AUTS2: variants seen among roughly 807,000 people sequenced by gnomAD.
AUTS2 encodes autism susceptibility gene 2 protein.
A neutral mutation model predicts 112.4 loss-of-function variants in AUTS2; 17 were observed. The observed-to-expected ratio is 0.15, with a 90% CI of 0.10 to 0.23. The LOEUF (loss-of-function observed/expected upper bound fraction) is 0.23. Among genes scored for constraint, AUTS2 ranks in the 10% least tolerant of loss-of-function variants. The probability of loss-of-function intolerance (pLI) is 1.00; values close to 1 mark genes in which losing one functional copy is unlikely to be tolerated. For missense variants in AUTS2, 1,510 were observed against 1,701.6 expected (o/e 0.89, Z 1.98); for synonymous variants, 751 against 702.7 (o/e 1.07, Z -1.09).
rs77021850 is a variant in AUTS2 at position 70,092,870 on chromosome 7, G to A, written c.523-25262G>A. ...ACTCGCGGGGCCCCCTCTCCATGTC[G>A]GCAGAGCTGAGGGGCAAGTACATTT... is the stretch of plus-strand genomic sequence containing the variant. On this transcript the variant is annotated intron_variant, in intron 2 of 18. Transcript: ENST00000342771. 1.2e-4 allele frequency among the ~76,000 whole-genome samples: 19 copies of A among 152,120 alleles called. No homozygotes were observed. The East Asian group carries it at 3.3e-3, about 26-fold the overall frequency.
intron 4 of AUTS2, among the ~76,000 whole-genome samples, chr7:70,412,530 T>TA: frequency 6.6e-6 from 1 of 152,308 alleles, no homozygotes; most frequent in East Asian, 1.9e-4. Context: ...TTGGTGGACA[T>TA]GACACCTTAA....
chr7:70,308,858 G>C (rs1013332708), intron 4 of AUTS2, among the ~76,000 whole-genome samples: 1 of 152,120 alleles, frequency 6.6e-6, no homozygotes, highest in Non-Finnish European at 1.5e-5. Context: ...TAAAATAAGA[G>C]GTGAGAGACA....
chr7:70,436,346 C>A (rs1051755565), intron 5 of AUTS2: 1 of 152,398 alleles, frequency 6.6e-6, no homozygotes, highest in African/African-American at 2.4e-5. Context: ...GGTACATGCT[C>A]TGTTTCGAGG....
At chr7:70,726,011 G>A (rs1787007284) in intron 6 of AUTS2, among the ~76,000 whole-genome samples, 1 of 144,306 alleles carries the variant, frequency 6.9e-6, no homozygotes, top group Non-Finnish European at 1.5e-5. Flanking sequence ...GACAGAGTGA[G>A]ACTCCATTTC....
intron 1 of AUTS2, among the ~76,000 whole-genome samples, chr7:69,722,672 A>G (rs890774479): frequency 6.6e-6 from 1 of 152,122 alleles, no homozygotes; most frequent in Non-Finnish European, 1.5e-5. Context: ...GGCCTTGTGC[A>G]TTTCATTTAA....
intron 4 of AUTS2, among the ~76,000 whole-genome samples, chr7:70,135,495 G>A (rs1164416906): frequency 6.6e-6 from 1 of 152,042 alleles, no homozygotes; most frequent in African/African-American, 2.4e-5. Flanking sequence ...ATTCACTTTA[G>A]TTGCTTTTAA....
Position 70,485,386 on chromosome 7 carries a change from C to T in AUTS2, c.690+49605C>T, listed in dbSNP as rs1278140648. Among the ~76,000 whole-genome samples, 6 of 152,112 alleles carry T rather than the reference C, an allele frequency of 3.9e-5. No homozygotes were observed. The East Asian group carries it at 7.7e-4, about 20-fold the overall frequency. ...AATTCAAGAATGGAAAACCAAATGCCGTATGTTCTTACCTATAAGTGGGAG... is the reference window on the plus strand; with the variant it reads ...AATTCAAGAATGGAAAACCAAATGCTGTATGTTCTTACCTATAAGTGGGAG... On this transcript the variant is annotated intron_variant, in intron 5 of 18. Coordinates refer to ENST00000342771, the MANE Select transcript of AUTS2 (RefSeq NM_015570.4).
intron 2 of AUTS2, among the ~76,000 whole-genome samples, chr7:69,954,814 G>A (rs996542049): frequency 1.3e-5 from 2 of 152,120 alleles, no homozygotes; most frequent in Non-Finnish European, 2.9e-5. Flanking sequence ...ATCATTAGTG[G>A]CATTTGTGGT....
intron 6 of AUTS2, among the ~76,000 whole-genome samples, chr7:70,716,121 G>A (rs1487460156): frequency 6.6e-6 from 1 of 152,186 alleles, no homozygotes; most frequent in African/African-American, 2.4e-5. Context: ...AAAGGAGTGG[G>A]AGGCTGCCCA....
At chr7:70,273,321 A>T (rs1279980361) in intron 4 of AUTS2, among the ~76,000 whole-genome samples, 2 of 152,160 alleles carry the variant, frequency 1.3e-5, no homozygotes, top group African/African-American at 4.8e-5. Context: ...CCTGTGTCTG[A>T]TTTATAATAC....
At chr7:70,560,062 A>G (rs1472489806) in intron 5 of AUTS2, among the ~76,000 whole-genome samples, 3 of 152,098 alleles carry the variant, frequency 2.0e-5, no homozygotes, top group Non-Finnish European at 4.4e-5. Context: ...GCCTTCCAAC[A>G]AGCTGAGCTA....
At chr7:70,019,268 G>A (rs1328774877) in intron 2 of AUTS2, among the ~76,000 whole-genome samples, 1 of 152,130 alleles carries the variant, frequency 6.6e-6, no homozygotes, top group Non-Finnish European at 1.5e-5. Context: ...TTTGGAGGGT[G>A]GAAGGTGGGA....
intron 2 of AUTS2, among the ~76,000 whole-genome samples, chr7:70,101,953 T>C (rs1414593196): frequency 2.0e-5 from 3 of 152,118 alleles, no homozygotes; most frequent in Non-Finnish European, 4.4e-5. Flanking sequence ...GTAAAATATG[T>C]CCACCTGGTT....
intron 1 of AUTS2, among the ~76,000 whole-genome samples, chr7:69,765,808 A>T (rs888343143): frequency 6.6e-6 from 1 of 151,996 alleles, no homozygotes; most frequent in Non-Finnish European, 1.5e-5. Context: ...TTATCTGGGC[A>T]TGGTGGCACG....
intron 5 of AUTS2, among the ~76,000 whole-genome samples, chr7:70,649,500 T>TTTTATTTTATTTA (rs1554451098): frequency 5.6e-5 from 8 of 143,814 alleles, no homozygotes; most frequent in African/African-American, 2.1e-4. Context: ...TGGTGATTTA[T>TTTTATTTTATTTA]TTTATTTATT....
At chr7:69,831,074 A>G (rs1791480872) in intron 1 of AUTS2, among the ~76,000 whole-genome samples, 1 of 152,176 alleles carries the variant, frequency 6.6e-6, no homozygotes, top group Non-Finnish European at 1.5e-5. Context: ...ATTCTGGGGT[A>G]TAGAAAATAG....
intron 1 of AUTS2, among the ~76,000 whole-genome samples, chr7:69,840,728 A>T (rs940065118): frequency 7.2e-5 from 11 of 152,192 alleles, no homozygotes; most frequent in Non-Finnish European, 1.5e-4. Context: ...GGTGACTATG[A>T]TGTCAACTTC....
chr7:69,740,362 T>TG (rs1166290644), intron 1 of AUTS2, among the ~76,000 whole-genome samples: 1 of 151,996 alleles, frequency 6.6e-6, no homozygotes, highest in Non-Finnish European at 1.5e-5. Context: ...AGAAGGTAGG[T>TG]GGGGGGAGGA....
intron 2 of AUTS2, among the ~76,000 whole-genome samples, chr7:69,911,039 C>G (rs1217051240): frequency 6.6e-6 from 1 of 152,224 alleles, no homozygotes; most frequent in Non-Finnish European, 1.5e-5. Flanking sequence ...CTTCCCATGA[C>G]ATGTGGGAAT....
Sources: allele counts gnomAD v4.1 joint callset (sites outside exome capture counted in the v4.1 genomes callset), GRCh38; gene constraint gnomAD v4.1.1; transcripts MANE v1.5; gene names NCBI Gene and HGNC (gene_info 2026-07-23, HGNC 2026-07-21).